Variants in KALRN observed in about 807,000 individuals in gnomAD.
KALRN encodes kalirin.
KALRN carries 70 observed loss-of-function variants against 353.7 expected under a neutral mutation model. That is an observed-to-expected ratio of 0.20 (90% CI 0.16 to 0.24). KALRN has a LOEUF of 0.24. Among genes scored for constraint, KALRN ranks in the 10% least tolerant of loss-of-function variants. The pLI is 1.00. For missense variants in KALRN, 2,791 were observed against 3,756.7 expected (o/e 0.74, Z 6.72); for synonymous variants, 1,391 against 1,434.8 (o/e 0.97, Z 0.69).
At position 124,118,393 on chromosome 3, in the gene KALRN, T is replaced by G. The variant is rs188174930; in HGVS notation, c.73+84580T>G. On this transcript the variant is annotated intron_variant, in intron 1 of 59. Coordinates refer to ENST00000682506, the MANE Select transcript of KALRN (RefSeq NM_001388419.1). ...TGCTTTTCTTAGGATCTAGGGAAGTTTTAGCAACTTAGTTAGGATTATGCC... is the reference window on the plus strand; with the variant it reads ...TGCTTTTCTTAGGATCTAGGGAAGTGTTAGCAACTTAGTTAGGATTATGCC... Among the ~76,000 whole-genome samples, 408 of 152,088 alleles carry G rather than the reference T, an allele frequency of 2.7e-3. 2 individuals carry two copies. The highest frequency in any genetic ancestry group is 4.7e-3 in the Non-Finnish European group (321 of 67,978).
chr3:124,046,958 G>A (rs1443952204), intron 1 of KALRN, among the ~76,000 whole-genome samples: 1 of 145,626 alleles, frequency 6.9e-6, no homozygotes, highest in Non-Finnish European at 1.5e-5. Flanking sequence ...GTCTTATAAT[G>A]AAACACTGTG....
At chr3:124,171,129 C>G (rs1351890535) in intron 1 of KALRN, among the ~76,000 whole-genome samples, 1 of 151,972 alleles carries the variant, frequency 6.6e-6, no homozygotes, top group Non-Finnish European at 1.5e-5. Flanking sequence ...TTTCTACATT[C>G]TTTATGCTAC....
chr3:124,469,927 A>G (rs1468733370), intron 25 of KALRN, among the ~76,000 whole-genome samples: 1 of 152,216 alleles, frequency 6.6e-6, no homozygotes, highest in Non-Finnish European at 1.5e-5. Flanking sequence ...TCATCTTCAG[A>G]GAGAATAACA....
intron 34 of KALRN, among the ~76,000 whole-genome samples, chr3:124,611,133 C>A (rs1424916377): frequency 3.3e-5 from 5 of 152,120 alleles, no homozygotes; most frequent in Non-Finnish European, 7.4e-5. Flanking sequence ...TTGTAGTTCT[C>A]AATAGGGTAT....
chr3:124,718,248 G>A (rs2063251269), intron 59 of KALRN, among the ~76,000 whole-genome samples: 1 of 151,470 alleles, frequency 6.6e-6, no homozygotes. Context: ...AGCCTCTTGA[G>A]TAGCTGGGAT....
At chr3:124,445,079 C>A (rs986357694) in intron 19 of KALRN, among the ~76,000 whole-genome samples, 2 of 152,156 alleles carry the variant, frequency 1.3e-5, no homozygotes, top group East Asian at 3.9e-4. Flanking sequence ...GCTCTGAAGT[C>A]AGATTTGGCC....
At chr3:124,473,008 A>G (rs2061090525) in intron 25 of KALRN, among the ~76,000 whole-genome samples, 1 of 152,220 alleles carries the variant, frequency 6.6e-6, no homozygotes, top group Non-Finnish European at 1.5e-5. Context: ...TTGTCGTAGA[A>G]AAAATTAAAT....
In KALRN at chr3:124,724,545, G is replaced by T. The variant is rs763653696; in HGVS notation, c.*5075G>T. 2 of 152,040 alleles carry T rather than the reference G, an allele frequency of 1.3e-5. No homozygotes were observed. Among genetic ancestry groups the T allele is most frequent in the Non-Finnish European group, 2.9e-5 (2 of 68,008 alleles). 9.4% of individuals were successfully genotyped at this position (152,040 alleles called of 1,614,324 possible). A position where few individuals can be genotyped will look rare whatever the true frequency, so the allele number is the denominator to read the frequency against. On this transcript the variant is annotated 3_prime_UTR_variant, in exon 60 of 60. Coordinates refer to ENST00000682506, the MANE Select transcript of KALRN (RefSeq NM_001388419.1). ...CTTAGAGACGACAGAGCTCACACAC[G>T]CTCCATCAAGAAAAGGAAAGCTACT...
chr3:124,490,029 G>T lies in KALRN; in HGVS notation c.4397-665G>T, dbSNP rs143136393. 3.0e-3 allele frequency among the ~76,000 whole-genome samples: 458 copies of T among 152,274 alleles called. 3 individuals carry two copies. The highest frequency in any genetic ancestry group is 0.011 in the African/African-American group (437 of 41,566). ...ATGCCTATAATCCTACACTTTGGGA[G>T]GCCAAGGTGGGAGGATCACTTGAGC... is the stretch of plus-strand genomic sequence containing the variant. On this transcript the variant is annotated intron_variant, in intron 29 of 59. Coordinates refer to ENST00000682506, the MANE Select transcript of KALRN (RefSeq NM_001388419.1).
chr3:124,676,234 A>G lies in KALRN; in HGVS notation c.7193+1620A>G, dbSNP rs6778762. 6.7e-3 allele frequency among the ~76,000 whole-genome samples: 1,014 copies of G among 152,242 alleles called. 14 individuals carry two copies. The highest frequency in any genetic ancestry group is 0.022 in the African/African-American group (928 of 41,520). On this transcript the variant is annotated intron_variant, in intron 49 of 59. Transcript: ENST00000682506. ...AAGGATGTCAGACCGAGCAAAAGAG[A>G]GCAGATTGAAATACAAATGGGTCAT...
chr3:124,320,032 T>C (rs577826189), intron 6 of KALRN, among the ~76,000 whole-genome samples: 1 of 152,206 alleles, frequency 6.6e-6, no homozygotes, highest in African/African-American at 2.4e-5. Context: ...CAATAACTGG[T>C]AGTATTTGGG....
chr3:124,411,734 C>T (rs962530091), intron 13 of KALRN, among the ~76,000 whole-genome samples: 5 of 152,194 alleles, frequency 3.3e-5, no homozygotes, highest in African/African-American at 1.2e-4. Flanking sequence ...GCACAAGCCA[C>T]TGCACCCAGG....
chr3:124,398,890 G>A lies in KALRN; in HGVS notation c.2346+19G>A, dbSNP rs762046171. ...CATCGAGGTAGCAGGGGGCCAGGAG[G>A]GGAGGTGGAGAGGGGCCAAGAAGTG... On this transcript the variant is annotated intron_variant, in intron 13 of 59. Transcript: ENST00000682506. 1.7e-4 allele frequency: 275 copies of A among 1,585,178 alleles called. No homozygotes were observed. Among genetic ancestry groups the A allele is most frequent in the Middle Eastern group, 1.6e-3 (9 of 5,718 alleles).
intron 1 of KALRN, among the ~76,000 whole-genome samples, chr3:124,098,412 CCTT>C (rs1486520624): frequency 2.0e-5 from 3 of 152,190 alleles, no homozygotes; most frequent in Non-Finnish European, 4.4e-5. Flanking sequence ...TCCCTCTTCT[CCTT>C]CTGGCATCCC....
At chr3:124,437,332 C>G (rs2093505434) in intron 17 of KALRN, among the ~76,000 whole-genome samples, 1 of 152,220 alleles carries the variant, frequency 6.6e-6, no homozygotes. Context: ...AGCGTTCTTC[C>G]TGGGACAGCT....
intron 5 of KALRN, among the ~76,000 whole-genome samples, chr3:124,271,031 C>T (rs1043256519): frequency 1.3e-5 from 2 of 152,006 alleles, no homozygotes; most frequent in African/African-American, 4.8e-5. Context: ...CGGGGTTTCA[C>T]CGTGTTAGCC....
intron 13 of KALRN, among the ~76,000 whole-genome samples, chr3:124,411,432 G>GTTTT (rs1560849512): frequency 2.8e-5 from 1 of 36,248 alleles, no homozygotes; most frequent in South Asian, 1.1e-3. Context: ...TTTAAATTAT[G>GTTTT]CTTTTTTTTT....
At chr3:124,622,481 G>T (rs926752907) in intron 34 of KALRN, among the ~76,000 whole-genome samples, 1 of 152,146 alleles carries the variant, frequency 6.6e-6, no homozygotes, top group Non-Finnish European at 1.5e-5. Context: ...GATTGAAACC[G>T]AGTTTTTTCA....
chr3:124,141,078 C>T (rs2066561163), intron 1 of KALRN, among the ~76,000 whole-genome samples: 1 of 152,200 alleles, frequency 6.6e-6, no homozygotes, highest in Non-Finnish European at 1.5e-5. Context: ...CTTCAGCCCC[C>T]CAGTCACCAG....
Sources: gnomAD v4.1 joint callset for allele counts (sites outside exome capture counted in the v4.1 genomes callset) on GRCh38, gnomAD v4.1.1 for gene constraint, MANE v1.5 for transcripts, NCBI Gene and HGNC (gene_info 2026-07-23, HGNC 2026-07-21) for gene names.